Variants in SPTLC2 observed in about 807,000 individuals in gnomAD.
SPTLC2 encodes serine palmitoyltransferase 2.
SPTLC2 carries 21 observed loss-of-function variants against 62.0 expected under a neutral mutation model. That is an observed-to-expected ratio of 0.34 (90% CI 0.24 to 0.49). The LOEUF is 0.49. SPTLC2 is among the 20% of genes least tolerant of loss of function. The probability of loss-of-function intolerance (pLI) is 0.99; values close to 1 mark genes in which losing one functional copy is unlikely to be tolerated. For missense variants in SPTLC2, 511 were observed against 713.0 expected, an observed-to-expected ratio of 0.72 and a Z score of 3.23; for synonymous variants, 261 against 261.8, an observed-to-expected ratio of 1.00 and a Z score of 0.03.
chr14:77,529,202 G>T (rs988889820), intron 9 of SPTLC2, among the ~76,000 whole-genome samples: 1 of 150,800 alleles, frequency 6.6e-6, no homozygotes, highest in Non-Finnish European at 1.5e-5. Flanking sequence ...ATACTATAGA[G>T]AGAGAAAGAA....
At chr14:77,584,466 C>T (rs1198960021) in intron 2 of SPTLC2, among the ~76,000 whole-genome samples, 1 of 151,972 alleles carries the variant, frequency 6.6e-6, no homozygotes, top group African/African-American at 2.4e-5. Flanking sequence ...TATTTATATA[C>T]TTATATATGT....
At chr14:77,584,334 T>C (rs1323337535) in intron 2 of SPTLC2, among the ~76,000 whole-genome samples, 2 of 152,174 alleles carry the variant, frequency 1.3e-5, no homozygotes, top group East Asian at 3.8e-4. Context: ...CCAACACAGA[T>C]AGTCAAATAT....
rs767574762 is a variant in SPTLC2, at chr14:77,616,629, G to A, written c.-50C>T. 61 of 1,517,342 alleles carry A rather than the reference G, an allele frequency of 4.0e-5. No individual in the cohort carries two copies. Among genetic ancestry groups the A allele is most frequent in the Non-Finnish European group, 4.9e-5 (55 of 1,132,638 alleles). 94.0% of individuals were successfully genotyped at this position (1,517,342 alleles called of 1,614,324 possible). A position where few individuals can be genotyped will look rare whatever the true frequency, so the allele number is the denominator to read the frequency against. On this transcript the variant is annotated 5_prime_UTR_variant, in exon 1 of 12. Transcript: ENST00000216484. ...GCAGGCTCTGTAGGCGGTGGCAGCG[G>A]CGGCGGCTGCTCCAAGTCCCGCTCC...
chr14:77,515,876 T>C (rs1285430679), intron 11 of SPTLC2, among the ~76,000 whole-genome samples: 3 of 152,266 alleles, frequency 2.0e-5, no homozygotes, highest in African/African-American at 7.2e-5. Context: ...CTTTTGAAAA[T>C]TGTAAAAGAA....
At chr14:77,606,069 C>T (rs180858381) in intron 1 of SPTLC2, among the ~76,000 whole-genome samples, 1 of 152,358 alleles carries the variant, frequency 6.6e-6, no homozygotes, top group East Asian at 1.9e-4. Flanking sequence ...CAGTGGCTCA[C>T]GTCTGTAGTT....
At chr14:77,574,796 T>C (rs745406587) in intron 4 of SPTLC2, among the ~76,000 whole-genome samples, 5 of 152,092 alleles carry the variant, frequency 3.3e-5, no homozygotes, top group Non-Finnish European at 5.9e-5. Flanking sequence ...AATAGGCAAA[T>C]CTATAAAGAC....
chr14:77,559,237 C>T (rs7157146), intron 6 of SPTLC2, among the ~76,000 whole-genome samples: 35,166 of 151,950 alleles, frequency 0.23, 4,209 homozygotes, highest in Middle Eastern at 0.35. Context: ...ACATGAGAAT[C>T]GCTTAAACCC....
At chr14:77,532,650 G>A (rs946585989) in intron 9 of SPTLC2, among the ~76,000 whole-genome samples, 4 of 152,060 alleles carry the variant, frequency 2.6e-5, no homozygotes, top group Non-Finnish European at 4.4e-5. Context: ...TGGGTGTGGT[G>A]GCAGGCGCCT....
At chr14:77,594,376 T>A (rs1399302906) in intron 2 of SPTLC2, among the ~76,000 whole-genome samples, 1 of 152,216 alleles carries the variant, frequency 6.6e-6, no homozygotes, top group African/African-American at 2.4e-5. Flanking sequence ...GATAATGTAC[T>A]CACAAAGTAA....
intron 1 of SPTLC2, among the ~76,000 whole-genome samples, chr14:77,601,226 A>T (rs955908127): frequency 9.9e-5 from 15 of 152,210 alleles, no homozygotes; most frequent in Non-Finnish European, 2.2e-4. Flanking sequence ...GCAACTGAAG[A>T]TCCACAAAAG....
intron 9 of SPTLC2, among the ~76,000 whole-genome samples, chr14:77,545,313 C>A (rs1482674547): frequency 2.0e-5 from 3 of 151,320 alleles, no homozygotes; most frequent in African/African-American, 7.3e-5. Context: ...GTCTCCCAGG[C>A]TGCAGTGCAA....
chr14:77,570,601 G>C lies in SPTLC2; in HGVS notation c.632-93C>G. 2.0e-6 allele frequency: 3 copies of C among 1,497,850 alleles called. No homozygotes were observed. The Admixed American group carries it at 5.2e-5, about 26-fold the overall frequency. 92.8% of individuals were successfully genotyped at this position (1,497,850 alleles called of 1,614,324 possible). On this transcript the variant is annotated intron_variant, in intron 4 of 11. Coordinates refer to ENST00000216484, the MANE Select transcript of SPTLC2 (RefSeq NM_004863.4). ...TAAAAGAAATCATAGTATATGTGTT[G>C]TGTCCTTTTCAGACTAAGATCTATG... is the stretch of plus-strand genomic sequence containing the variant.
chr14:77,568,813 A>G (rs1328862134), intron 5 of SPTLC2, among the ~76,000 whole-genome samples: 3 of 138,206 alleles, frequency 2.2e-5, no homozygotes, highest in African/African-American at 7.4e-5. Flanking sequence ...GTCTCAAAAA[A>G]AAAAAAAAAA....
chr14:77,614,401 ACACC>A (rs146736175), intron 1 of SPTLC2, among the ~76,000 whole-genome samples: 13,668 of 152,248 alleles, frequency 0.09, 820 homozygotes, highest in Admixed American at 0.18. Flanking sequence ...GCAGTGGCTC[ACACC>A]CGTAATCCCA....
chr14:77,557,812 C>T (rs1199666636), intron 6 of SPTLC2, among the ~76,000 whole-genome samples: 5 of 152,284 alleles, frequency 3.3e-5, no homozygotes, highest in African/African-American at 1.2e-4. Flanking sequence ...TCTTGTGGCT[C>T]TGTTGGTTCT....
intron 2 of SPTLC2, among the ~76,000 whole-genome samples, chr14:77,595,761 C>A (rs1300604867): frequency 2.0e-5 from 3 of 152,214 alleles, no homozygotes; most frequent in Non-Finnish European, 4.4e-5. Flanking sequence ...TGGCTCGTCT[C>A]AGCGTTGACT....
In SPTLC2 at chr14:77,562,313, C is replaced by T. The variant is rs570843039; in HGVS notation, c.850+83G>A. 2.1e-4 allele frequency: 236 copies of T among 1,147,116 alleles called. No homozygotes were observed. In the African/African-American group the frequency reaches 3.1e-3, roughly 15 times the overall value. 71.1% of individuals were successfully genotyped at this position (1,147,116 alleles called of 1,614,324 possible). A position where few individuals can be genotyped will look rare whatever the true frequency, so the allele number is the denominator to read the frequency against. On this transcript the variant is annotated intron_variant, in intron 6 of 11. Transcript: ENST00000216484. ...TTGTCTTCATTTATACTTTCAAGTG[C>T]TAATATAACTAATGTTAACTCCCAC...
In SPTLC2 at chr14:77,521,594, G is replaced by A. The variant is rs368131672; in HGVS notation, c.1304-13C>T. On this transcript the variant is annotated splice_polypyrimidine_tract_variant and intron_variant, in intron 9 of 11. Coordinates refer to ENST00000216484, the MANE Select transcript of SPTLC2 (RefSeq NM_004863.4). ...ACACACTCTTTACCTGGAAAGTCAC[G>A]GTGAGAGAAAACAAAATAATCCTAA... The A allele has an allele frequency of 2.4e-5, 39 of 1,612,928 alleles. No homozygotes were observed. The highest frequency in any genetic ancestry group is 1.6e-4 in the Middle Eastern group (1 of 6,080).
intron 2 of SPTLC2, among the ~76,000 whole-genome samples, chr14:77,589,506 A>C (rs2079803290): frequency 6.8e-6 from 1 of 147,660 alleles, no homozygotes; most frequent in Non-Finnish European, 1.5e-5. Flanking sequence ...TTTAGAGATA[A>C]TGGCCAGGCA....
Sources: gnomAD v4.1 joint callset for allele counts (sites outside exome capture counted in the v4.1 genomes callset) on GRCh38, gnomAD v4.1.1 for gene constraint, MANE v1.5 for transcripts, NCBI Gene and HGNC (gene_info 2026-07-23, HGNC 2026-07-21) for gene names.